The following UTRN variants were observed in gnomAD, a reference collection of about 807,000 sequenced individuals.
The protein encoded by UTRN is dystrophin-related protein 1.
Under a neutral mutation model 463.9 loss-of-function variants are expected in UTRN, and 283 were observed. The ratio of observed to expected loss-of-function variants is 0.61; its 90% CI spans 0.55 to 0.67. The LOEUF is 0.67. UTRN is among the 30% of genes least tolerant of loss of function. The pLI is 0.00. For missense variants in UTRN, 3,922 were observed against 4,084.3 expected, an observed-to-expected ratio of 0.96 and a Z score of 1.08; for synonymous variants, 1,442 against 1,431.5, an observed-to-expected ratio of 1.01 and a Z score of -0.17.
chr6:144,724,009 CAAAAAAAAAA>C (rs59598919), intron 53 of UTRN, among the ~76,000 whole-genome samples: 1 of 58,774 alleles, frequency 1.7e-5, no homozygotes, highest in East Asian at 4.2e-4. Context: ...GACTCCATCT[CAAAAAAAAAA>C]AAAAAAAAAA....
chr6:144,724,931 C>G (rs1314392130), intron 53 of UTRN, among the ~76,000 whole-genome samples: 1 of 152,096 alleles, frequency 6.6e-6, no homozygotes, highest in Non-Finnish European at 1.5e-5. Flanking sequence ...ACATGTTTTT[C>G]TTTTTCTTCG....
chr6:144,383,178 C>T (rs1449323568), intron 2 of UTRN, among the ~76,000 whole-genome samples: 2 of 152,114 alleles, frequency 1.3e-5, no homozygotes, highest in Non-Finnish European at 1.5e-5. Context: ...GTGATCCACT[C>T]GCCTTAGCCT....
intron 52 of UTRN, among the ~76,000 whole-genome samples, chr6:144,686,734 C>T (rs757116362): frequency 2.0e-5 from 3 of 151,872 alleles, no homozygotes; most frequent in Non-Finnish European, 2.9e-5. Context: ...TTTTGGTTGC[C>T]ATTCGCATGT....
At chr6:144,623,662 G>T (rs1182448851) in intron 51 of UTRN, among the ~76,000 whole-genome samples, 2 of 152,198 alleles carry the variant, frequency 1.3e-5, no homozygotes, top group East Asian at 1.9e-4. Flanking sequence ...GCAAGTTACA[G>T]AGATAGAAAA....
intron 2 of UTRN, 109 bp from the exon 3 acceptor site, chr6:144,403,014 C>A: frequency 1.1e-6 from 1 of 951,488 alleles, no homozygotes; most frequent in Non-Finnish European, 1.6e-6. Context: ...AGGAGCTCGA[C>A]TAATAGGACT....
chr6:144,617,902 G>A (rs772700790), intron 51 of UTRN, among the ~76,000 whole-genome samples: 14 of 152,124 alleles, frequency 9.2e-5, no homozygotes, highest in Non-Finnish European at 1.8e-4. Context: ...GTTCAGGGAG[G>A]ATTGTTTGAA....
At chr6:144,826,981 A>AAAATATGAT (rs1364531480) in intron 66 of UTRN, among the ~76,000 whole-genome samples, 1 of 152,212 alleles carries the variant, frequency 6.6e-6, no homozygotes, top group Admixed American at 6.6e-5. Context: ...AGGAAAAACA[A>AAAATATGAT]AAATATGATT....
intron 65 of UTRN, among the ~76,000 whole-genome samples, chr6:144,809,928 T>C (rs769554079): frequency 6.6e-6 from 1 of 152,180 alleles, no homozygotes; most frequent in Admixed American, 6.6e-5. Context: ...TGATTTAATA[T>C]AAATTTTACA....
intron 51 of UTRN, among the ~76,000 whole-genome samples, chr6:144,637,587 C>A (rs1170307993): frequency 6.6e-6 from 1 of 151,626 alleles, no homozygotes; most frequent in East Asian, 1.9e-4. Flanking sequence ...ATACAGCTTT[C>A]CAGAAAATTT....
intron 51 of UTRN, among the ~76,000 whole-genome samples, chr6:144,598,435 A>T (rs1222060594): frequency 6.6e-6 from 1 of 152,176 alleles, no homozygotes; most frequent in Non-Finnish European, 1.5e-5. Flanking sequence ...ATTATTGCAG[A>T]TGAAGCCTCT....
intron 2 of UTRN, among the ~76,000 whole-genome samples, chr6:144,384,163 T>C (rs1344276387): frequency 6.6e-6 from 1 of 152,186 alleles, no homozygotes; most frequent in Admixed American, 6.5e-5. Flanking sequence ...TGAATTCTTT[T>C]CTTGTTGAAA....
At chr6:144,493,223 G>C (rs967582398) in intron 32 of UTRN, 78 bp from the exon 33 acceptor site, 7 of 1,422,638 alleles carry the variant, frequency 4.9e-6, no homozygotes, top group Non-Finnish European at 6.8e-6. Flanking sequence ...ATCTGTGTAA[G>C]CTGTGGTCTG....
chr6:144,769,952 A>G (rs1793815783), intron 58 of UTRN, among the ~76,000 whole-genome samples: 1 of 152,170 alleles, frequency 6.6e-6, no homozygotes. Flanking sequence ...GAGCCTAATG[A>G]TGAATAGTAA....
intron 2 of UTRN, among the ~76,000 whole-genome samples, chr6:144,304,116 A>G (rs1018878223): frequency 3.9e-5 from 6 of 152,224 alleles, no homozygotes; most frequent in African/African-American, 1.4e-4. Context: ...TGGGAATAGA[A>G]GAAAGAAGAG....
At chr6:144,770,382 A>G (rs7742259) in intron 58 of UTRN, among the ~76,000 whole-genome samples, 62,422 of 152,068 alleles carry the variant, frequency 0.41, 16,701 homozygotes, top group East Asian at 0.74. Flanking sequence ...GATATATTAC[A>G]TAGGCTTGAA....
At chr6:144,476,059 G>A (rs1791158460) in intron 25 of UTRN, among the ~76,000 whole-genome samples, 3 of 151,194 alleles carry the variant, frequency 2.0e-5, no homozygotes, top group Admixed American at 2.0e-4. Context: ...CTGGGCGAAA[G>A]AGCCAGATCC....
intron 18 of UTRN, 151 bp from the exon 19 acceptor site, chr6:144,453,631 C>T: frequency 7.4e-6 from 4 of 542,778 alleles, no homozygotes; most frequent in Admixed American, 3.3e-5. Context: ...CAAAAGAAAC[C>T]AATGCTTTTT....
chr6:144,350,152 C>T (rs552283680), intron 2 of UTRN, among the ~76,000 whole-genome samples: 2 of 151,904 alleles, frequency 1.3e-5, no homozygotes, highest in East Asian at 3.9e-4. Flanking sequence ...TGGAGTTGCT[C>T]TCAAGGAAAA....
intron 2 of UTRN, among the ~76,000 whole-genome samples, chr6:144,374,764 G>C (rs1780303607): frequency 6.6e-6 from 1 of 151,544 alleles, no homozygotes; most frequent in African/African-American, 2.4e-5. Flanking sequence ...TTACAGTTGT[G>C]AGCTACCGCG....
Sources: gnomAD v4.1 joint callset for allele counts (sites outside exome capture counted in the v4.1 genomes callset) on GRCh38, gnomAD v4.1.1 for gene constraint, MANE v1.5 for transcripts, NCBI Gene and HGNC (gene_info 2026-07-23, HGNC 2026-07-21) for gene names.